Variants in TMEM132D observed in about 807,000 individuals in gnomAD.
The protein encoded by TMEM132D is mature OL transmembrane protein.
In TMEM132D, 21 loss-of-function variants were observed where a neutral mutation model predicts 62.3. That is an observed-to-expected ratio of 0.34 (90% confidence interval 0.24 to 0.49). The LOEUF (loss-of-function observed/expected upper bound fraction) is 0.49. Ranked by LOEUF, TMEM132D falls within the 20% of genes least tolerant of loss-of-function variation. TMEM132D has a pLI of 0.99. For synonymous variants in TMEM132D, 621 were observed against 575.6 expected, an observed-to-expected ratio of 1.08 and a Z score of -1.13; for missense variants, 1,346 against 1,402.8, an observed-to-expected ratio of 0.96 and a Z score of 0.65.
At chr12:129,108,909 C>A (rs1370242475) in intron 5 of TMEM132D, among the ~76,000 whole-genome samples, 3 of 152,186 alleles carry the variant, frequency 2.0e-5, no homozygotes, top group African/African-American at 7.2e-5. Context: ...GTCCACTTCC[C>A]AGCTCTCTAT....
intron 1 of TMEM132D, among the ~76,000 whole-genome samples, chr12:129,765,799 C>T (rs1240840382): frequency 6.6e-6 from 1 of 152,058 alleles, no homozygotes; most frequent in Non-Finnish European, 1.5e-5. Context: ...AACTTTAAAC[C>T]ATGTTCATTT....
intron 5 of TMEM132D, among the ~76,000 whole-genome samples, chr12:129,100,965 T>C (rs1875286851): frequency 6.6e-6 from 1 of 152,090 alleles, no homozygotes; most frequent in Non-Finnish European, 1.5e-5. Flanking sequence ...GTGGCAGGGA[T>C]TGAAGCTCTG....
At chr12:129,758,887 G>A (rs1276815653) in intron 1 of TMEM132D, among the ~76,000 whole-genome samples, 1 of 151,566 alleles carries the variant, frequency 6.6e-6, no homozygotes, top group Non-Finnish European at 1.5e-5. Flanking sequence ...TGAATCAATT[G>A]AAAGGCAATA....
chr12:129,434,624 T>C (rs1872742181), intron 3 of TMEM132D, among the ~76,000 whole-genome samples: 1 of 151,812 alleles, frequency 6.6e-6, no homozygotes, highest in African/African-American at 2.4e-5. Context: ...GATTTAGCCA[T>C]GTAAAAAGGA....
At position 129,547,698 on chromosome 12, in the gene TMEM132D, C is replaced by A. The variant is rs143852966; in HGVS notation, c.969-16493G>T. On this transcript the variant is annotated intron_variant, in intron 2 of 8. Transcript: ENST00000422113. ...GTGTGAGATGAGTAAATTGCTTAAACCTGTAATGTTGAAAGAGCACTTCTC... is the reference window on the plus strand; with the variant it reads ...GTGTGAGATGAGTAAATTGCTTAAAACTGTAATGTTGAAAGAGCACTTCTC... 2.9e-3 allele frequency among the ~76,000 whole-genome samples: 449 copies of A among 152,270 alleles called. 2 individuals are homozygous for A. Among genetic ancestry groups the A allele is most frequent in the Non-Finnish European group, 4.0e-3 (273 of 68,020 alleles).
intron 2 of TMEM132D, among the ~76,000 whole-genome samples, chr12:129,677,158 A>G (rs570058017): frequency 6.6e-6 from 1 of 152,196 alleles, no homozygotes; most frequent in Non-Finnish European, 1.5e-5. Flanking sequence ...TTGAATTGTA[A>G]CTCCCACAAT....
chr12:129,262,603 A>G (rs1471728475), intron 4 of TMEM132D: 1 of 152,182 alleles, frequency 6.6e-6, no homozygotes. Context: ...CTGTATTTTT[A>G]TGCATAATCT....
chr12:129,161,339 A>G (rs1877394111), intron 5 of TMEM132D, among the ~76,000 whole-genome samples: 1 of 152,234 alleles, frequency 6.6e-6, no homozygotes, highest in South Asian at 2.1e-4. Context: ...ATTTAACTGA[A>G]CATCTCAGAC....
intron 1 of TMEM132D, among the ~76,000 whole-genome samples, chr12:129,881,796 T>C (rs1219249120): frequency 2.0e-5 from 3 of 151,474 alleles, no homozygotes; most frequent in Non-Finnish European, 4.4e-5. Context: ...CAGAAATCAA[T>C]AAAACAACAA....
chr12:129,787,252 G>C (rs1451338396), intron 1 of TMEM132D, among the ~76,000 whole-genome samples: 1 of 152,140 alleles, frequency 6.6e-6, no homozygotes, highest in Non-Finnish European at 1.5e-5. Context: ...GTTGATCAAA[G>C]TCAGGAGGAA....
At chr12:129,490,003 C>T (rs1442997103) in intron 3 of TMEM132D, among the ~76,000 whole-genome samples, 1 of 152,166 alleles carries the variant, frequency 6.6e-6, no homozygotes, top group South Asian at 2.1e-4. Flanking sequence ...AATCTATATG[C>T]CCCATGGAAT....
intron 2 of TMEM132D, among the ~76,000 whole-genome samples, chr12:129,687,323 A>T (rs922512912): frequency 6.6e-6 from 1 of 152,058 alleles, no homozygotes; most frequent in Non-Finnish European, 1.5e-5. Context: ...ATTAATGTCA[A>T]TTTCCTAATC....
chr12:129,584,460 G>A (rs1787044595), intron 2 of TMEM132D, among the ~76,000 whole-genome samples: 1 of 152,158 alleles, frequency 6.6e-6, no homozygotes, highest in Admixed American at 6.5e-5. Context: ...GACTTCCTTT[G>A]GCCTCATGGT....
At chr12:129,170,896 T>G (rs1877706031) in intron 5 of TMEM132D, among the ~76,000 whole-genome samples, 1 of 152,098 alleles carries the variant, frequency 6.6e-6, no homozygotes, top group African/African-American at 2.4e-5. Context: ...GGTCTTGCCT[T>G]GAGGTTGATG....
chr12:129,883,672 G>A (rs1024792810), intron 1 of TMEM132D, among the ~76,000 whole-genome samples: 7 of 152,132 alleles, frequency 4.6e-5, no homozygotes, highest in Admixed American at 3.9e-4. Context: ...AATTAATCAG[G>A]ACAATGTTGT....
intron 3 of TMEM132D, among the ~76,000 whole-genome samples, chr12:129,356,347 C>T (rs1375668442): frequency 2.5e-5 from 1 of 39,274 alleles, no homozygotes; most frequent in East Asian, 3.8e-4. Context: ...TTAGTAGAGA[C>T]GGGGTTTCAC....
chr12:129,519,610 C>CTTTTTT (rs35695419), intron 3 of TMEM132D, among the ~76,000 whole-genome samples: 7 of 146,998 alleles, frequency 4.8e-5, no homozygotes, highest in Non-Finnish European at 6.0e-5. Flanking sequence ...GATAAGAATG[C>CTTTTTT]TTTTTTTTTT....
At chr12:129,439,468 G>A (rs905142674) in intron 3 of TMEM132D, among the ~76,000 whole-genome samples, 2 of 152,074 alleles carry the variant, frequency 1.3e-5, no homozygotes, top group Non-Finnish European at 2.9e-5. Flanking sequence ...TTTTGAGACG[G>A]AGACGGAATC....
chr12:129,588,538 T>C (rs889654511), intron 2 of TMEM132D, among the ~76,000 whole-genome samples: 4 of 151,856 alleles, frequency 2.6e-5, no homozygotes, highest in African/African-American at 9.7e-5. Context: ...GGATGAAAGG[T>C]GAATTGTGGG....
Sources: gnomAD v4.1 joint callset for allele counts (sites outside exome capture counted in the v4.1 genomes callset) on GRCh38, gnomAD v4.1.1 for gene constraint, MANE v1.5 for transcripts, NCBI Gene and HGNC (gene_info 2026-07-23, HGNC 2026-07-21) for gene names.